ARMH3: variants seen among roughly 807,000 people sequenced by gnomAD.
ARMH3 encodes armadillo-like helical domain-containing protein 3.
A neutral mutation model predicts 99.1 loss-of-function variants in ARMH3; 60 were observed. That is an observed-to-expected ratio of 0.61 (90% CI 0.49 to 0.75). The LOEUF is 0.75. Ranked by LOEUF, ARMH3 falls within the 30% of genes least tolerant of loss-of-function variation. ARMH3 has a pLI of 0.00. For synonymous variants in ARMH3, 285 were observed against 292.8 expected (o/e 0.97, Z 0.27); for missense variants, 679 against 843.1 (o/e 0.81, Z 2.41).
intron 2 of ARMH3, chr10:102,033,573 C>A: frequency 2.4e-6 from 1 of 417,582 alleles, no homozygotes; most frequent in Non-Finnish European, 4.2e-6. Context: ...CGCCCACCAC[C>A]TCGCCCGGCT....
chr10:101,974,674 T>C (rs557381019), intron 20 of ARMH3, among the ~76,000 whole-genome samples: 9 of 152,306 alleles, frequency 5.9e-5, no homozygotes, highest in Non-Finnish European at 8.8e-5. Context: ...CTGTTTTGTC[T>C]CTGGCACAGG....
intron 1 of ARMH3, among the ~76,000 whole-genome samples, chr10:102,042,324 A>G (rs986319600): frequency 6.6e-6 from 1 of 152,252 alleles, no homozygotes; most frequent in Admixed American, 6.5e-5. Context: ...CTTAGACGTG[A>G]TAAGTACATG....
chr10:102,032,983 T>C (rs758602261), intron 4 of ARMH3, 43 bp downstream of exon 4: 3 of 1,604,790 alleles, frequency 1.9e-6, no homozygotes, highest in Non-Finnish European at 8.5e-7. Context: ...TACAATTCCT[T>C]TCTCCTGTTA....
At chr10:102,025,052 T>C (rs1010199640) in intron 6 of ARMH3, 104 bp downstream of exon 6, 37 of 945,554 alleles carry the variant, frequency 3.9e-5, no homozygotes, top group South Asian at 1.8e-4. Flanking sequence ...AATACCCTCA[T>C]TGAGAATATT....
At chr10:102,043,045 C>G (rs975962879) in intron 1 of ARMH3, among the ~76,000 whole-genome samples, 1 of 152,210 alleles carries the variant, frequency 6.6e-6, no homozygotes, top group African/African-American at 2.4e-5. Flanking sequence ...GCACTCCAGC[C>G]TGGGCAACAA....
At chr10:101,937,067 G>GA (rs1222592113) in intron 23 of ARMH3, among the ~76,000 whole-genome samples, 1 of 152,148 alleles carries the variant, frequency 6.6e-6, no homozygotes, top group South Asian at 2.1e-4. Context: ...AGAGACAAAA[G>GA]AAAAAAATAA....
At chr10:101,931,659 C>T (rs933463191) in intron 23 of ARMH3, among the ~76,000 whole-genome samples, 18 of 151,502 alleles carry the variant, frequency 1.2e-4, no homozygotes, top group African/African-American at 4.1e-4. Context: ...GGTGTATACC[C>T]GTAGTCCTTG....
In ARMH3 at chr10:102,014,043, G is replaced by T; in HGVS notation, c.670-19C>A. On this transcript the variant is annotated intron_variant, in intron 8 of 25. Transcript: ENST00000370033. ...TCACAGACTGTTAAATAAGAGAAGA[G>T]ACTCCAGGTAAGTCTGACCTAGTTA... 6.3e-7 allele frequency: 1 copy of T among 1,596,730 alleles called. No individual in the cohort carries two copies. The highest frequency in any genetic ancestry group is 1.1e-5 in the South Asian group (1 of 88,466).
At chr10:101,884,012 A>C (rs1040172336) in intron 24 of ARMH3, among the ~76,000 whole-genome samples, 21 of 151,160 alleles carry the variant, frequency 1.4e-4, no homozygotes, top group East Asian at 1.9e-4. Flanking sequence ...ACACACACAC[A>C]CCCGCCAAGC....
chr10:101,850,375 G>A (rs1329089625), intron 24 of ARMH3, among the ~76,000 whole-genome samples: 1 of 149,462 alleles, frequency 6.7e-6, no homozygotes, highest in Non-Finnish European at 1.5e-5. Context: ...CTGGGAGTAC[G>A]GGTGTGAGCC....
At chr10:101,952,462 G>T (rs1038937186) in intron 22 of ARMH3, 1 of 152,064 alleles carries the variant, frequency 6.6e-6, no homozygotes, top group African/African-American at 2.4e-5. Context: ...TGGGATCCTG[G>T]AATACAAAAG....
At chr10:101,909,085 T>C (rs960640240) in intron 23 of ARMH3, among the ~76,000 whole-genome samples, 5 of 151,620 alleles carry the variant, frequency 3.3e-5, no homozygotes, top group Admixed American at 6.6e-5. Context: ...ATGCAGAAGA[T>C]AGTACCATGT....
rs892015668 is a variant in ARMH3, at chr10:102,025,040, G to A, written c.507+116C>T. ...ATACATCCAGACACGAGGGAGTGAT[G>A]TAATACCCTCATTGAGAATATTTCT... On this transcript the variant is annotated intron_variant, in intron 6 of 25. Transcript: ENST00000370033. 22 of 864,528 alleles carry A rather than the reference G, an allele frequency of 2.5e-5. No homozygotes were observed. In the South Asian group the frequency reaches 2.9e-4, roughly 11 times the overall value. 53.6% of individuals were successfully genotyped at this position (864,528 alleles called of 1,614,324 possible). A position where few individuals can be genotyped will look rare whatever the true frequency, so the allele number is the denominator to read the frequency against.
At chr10:101,875,388 T>C (rs1452552355) in intron 24 of ARMH3, among the ~76,000 whole-genome samples, 1 of 152,172 alleles carries the variant, frequency 6.6e-6, no homozygotes, top group East Asian at 1.9e-4. Context: ...AAACACTCAA[T>C]ATAATTATTT....
intron 22 of ARMH3, among the ~76,000 whole-genome samples, chr10:101,949,094 T>C (rs561037070): frequency 6.6e-6 from 1 of 152,046 alleles, no homozygotes; most frequent in Non-Finnish European, 1.5e-5. Flanking sequence ...ACTAAAGCAG[T>C]ACTTAAAGGG....
chr10:101,993,629 A>G (rs1235941982), intron 16 of ARMH3, 26 bp from the exon 17 acceptor site: 1 of 1,455,242 alleles, frequency 6.9e-7, no homozygotes, highest in Middle Eastern at 1.8e-4. Context: ...AGAAAAAGTA[A>G]GAAGCGAGAG....
At chr10:101,881,703 G>A (rs1009666013) in intron 24 of ARMH3, among the ~76,000 whole-genome samples, 3 of 152,182 alleles carry the variant, frequency 2.0e-5, no homozygotes, top group Non-Finnish European at 2.9e-5. Flanking sequence ...GAGTCAGTGC[G>A]ATAGGGATTA....
intron 24 of ARMH3, among the ~76,000 whole-genome samples, chr10:101,859,587 T>G (rs182724018): frequency 6.6e-6 from 1 of 152,378 alleles, no homozygotes; most frequent in Admixed American, 6.5e-5. Context: ...TGATCCATTC[T>G]GAAATGACTT....
At chr10:101,868,351 T>C (rs1441126644) in intron 24 of ARMH3, among the ~76,000 whole-genome samples, 1 of 152,208 alleles carries the variant, frequency 6.6e-6, no homozygotes, top group East Asian at 1.9e-4. Flanking sequence ...AACCATTCTA[T>C]GATACAGGCA....
Sources: allele counts gnomAD v4.1 joint callset (sites outside exome capture counted in the v4.1 genomes callset), GRCh38; gene constraint gnomAD v4.1.1; transcripts MANE v1.5; gene names NCBI Gene and HGNC (gene_info 2026-07-23, HGNC 2026-07-21).